Variants in IL36G observed in about 807,000 individuals in gnomAD.
The protein encoded by IL36G is interleukin-36 gamma.
IL36G carries 10 observed loss-of-function variants against 13.5 expected under a neutral mutation model. That is an observed-to-expected ratio of 0.74 (90% CI 0.46 to 1.26). The LOEUF (loss-of-function observed/expected upper bound fraction) is 1.26, where lower values mean the gene tolerates loss of function less well. IL36G is among the 50% of genes most tolerant of loss of function. The pLI is 0.00. For synonymous variants in IL36G, 84 were observed against 74.0 expected (o/e 1.13, Z -0.69); for missense variants, 199 against 203.0 (o/e 0.98, Z 0.12).
At chr2:112,978,570 G>T (rs747478548) in intron 1 of IL36G, 50 bp from the exon 2 acceptor site, 8 of 1,453,802 alleles carry the variant, frequency 5.5e-6, no homozygotes, top group Non-Finnish European at 7.7e-6. Flanking sequence ...GTCCTGGAAG[G>T]TCTTGGAAAC....
intron 4 of IL36G, among the ~76,000 whole-genome samples, chr2:112,983,213 A>G (rs925257121): frequency 6.6e-6 from 1 of 152,026 alleles, no homozygotes; most frequent in Non-Finnish European, 1.5e-5. Context: ...AGTGGGTAGG[A>G]AGTTGAAGGT....
In IL36G at chr2:112,978,681, G is replaced by A. The variant is rs764738286; in HGVS notation, c.43G>A (p.Val15Ile). 18 of 1,614,016 alleles carry A rather than the reference G, an allele frequency of 1.1e-5. No homozygotes were observed. The highest frequency in any genetic ancestry group is 2.7e-5 in the African/African-American group (2 of 74,932). Residue 15 changes from valine (V) to isoleucine (I), a missense_variant, in exon 2 of 5, where the codon GTC becomes ATC. Coordinates refer to ENST00000259205, the MANE Select transcript of IL36G (RefSeq NM_019618.4). ...AGACGCTGATGGTGGAGGAAGGGCC[G>A]TCTATCAATCAAGTGAATCAAATGC... ...PGDADGGGRAVYQSMCKPITG... is the reference protein window; with the variant it reads ...PGDADGGGRAIYQSMCKPITG...
intron 3 of IL36G, 99 bp from the exon 4 acceptor site, chr2:112,979,910 C>A: frequency 1.7e-6 from 2 of 1,196,690 alleles, no homozygotes; most frequent in Non-Finnish European, 2.4e-6. Context: ...CACTCTTCAG[C>A]TCTCTTCCAG....
chr2:112,982,170 C>T (rs116513497), intron 4 of IL36G, among the ~76,000 whole-genome samples: 1,546 of 152,260 alleles, frequency 0.01, 12 homozygotes, highest in South Asian at 0.02. Flanking sequence ...ATAGATAGAC[C>T]AGCAGTACCA....
chr2:112,981,358 T>G, intron 4 of IL36G: 1 of 759,930 alleles, frequency 1.3e-6, no homozygotes, highest in Non-Finnish European at 2.4e-6. Context: ...CAGACAACTT[T>G]GCGGGCCTTC....
At chr2:112,984,054 C>T (rs760012081) in intron 4 of IL36G, among the ~76,000 whole-genome samples, 3 of 152,094 alleles carry the variant, frequency 2.0e-5, no homozygotes, top group Non-Finnish European at 4.4e-5. Flanking sequence ...AATAATGACT[C>T]CTAGGTTTCT....
At chr2:112,978,416 GTGGAGGAAAATTCTACCTGTTCTCCCTT>G (rs1460092354) in intron 1 of IL36G, among the ~76,000 whole-genome samples, 176 bp from the exon 2 acceptor site, 7 of 152,196 alleles carry the variant, frequency 4.6e-5, no homozygotes, top group Non-Finnish European at 1.0e-4. Context: ...GGATCTCCAG[GTGGAGGAAAATTCTACCTGTTCTCCCTT>G]TGCTGATGCT....
chr2:112,980,171 T>G, intron 4 of IL36G, 23 bp downstream of exon 4: 1 of 1,601,646 alleles, frequency 6.2e-7, no homozygotes, highest in South Asian at 1.1e-5. Flanking sequence ...GAAAAATATT[T>G]AAAAAGCCTT....
At chr2:112,981,988 C>T (rs769387971) in intron 4 of IL36G, among the ~76,000 whole-genome samples, 7 of 152,140 alleles carry the variant, frequency 4.6e-5, no homozygotes, top group East Asian at 1.9e-4. Flanking sequence ...TCTAGCACTG[C>T]GTAGATGCTT....
chr2:112,980,295 C>A, intron 4 of IL36G, 147 bp downstream of exon 4: 2 of 715,084 alleles, frequency 2.8e-6, no homozygotes, highest in African/African-American at 1.8e-5. Flanking sequence ...ATGCAATACA[C>A]TTTTCTTTTT....
At chr2:112,979,175 C>G (rs772366803) in intron 2 of IL36G, 46 bp from the exon 3 acceptor site, 1 of 1,256,960 alleles carries the variant, frequency 8.0e-7, no homozygotes, top group African/African-American at 1.5e-5. Flanking sequence ...AGTAAAGCAG[C>G]CTTGATTATA....
Position 112,984,995 on chromosome 2 carries a change from T to G in IL36G, c.456T>G (p.Thr152=). ...AGAGAGACCAGCCCATCATTCTGAC[T>G]TCAGAACTTGGGAAGTCATACAACA... The part of the protein sequence containing the change: ...SSKRDQPIIL[T]SELGKSYNTA... Residue 152 remains threonine (T), a synonymous_variant, in exon 5 of 5, where the codon ACT becomes ACG. Transcript: ENST00000259205. 2 of 1,614,162 alleles carry G rather than the reference T, an allele frequency of 1.2e-6. No individual in the cohort carries two copies. The highest frequency in any genetic ancestry group is 1.7e-6 in the Non-Finnish European group (2 of 1,180,016).
At chr2:112,981,359 G>C in intron 4 of IL36G, 1 of 758,196 alleles carries the variant, frequency 1.3e-6, no homozygotes, top group Non-Finnish European at 2.4e-6. Context: ...AGACAACTTT[G>C]CGGGCCTTCT....
intron 4 of IL36G, 86 bp from the exon 5 acceptor site, chr2:112,984,754 G>A (rs1684323521): frequency 1.7e-6 from 2 of 1,165,248 alleles, no homozygotes; most frequent in South Asian, 2.8e-5. Context: ...TGGAACTTTG[G>A]AACATTTATT....
At chr2:112,983,974 G>T (rs1684309272) in intron 4 of IL36G, among the ~76,000 whole-genome samples, 1 of 152,116 alleles carries the variant, frequency 6.6e-6, no homozygotes, top group Non-Finnish European at 1.5e-5. Flanking sequence ...AAATATTTTG[G>T]TATTTTGGAA....
At chr2:112,978,500 G>A (rs1020210074) in intron 1 of IL36G, 120 bp from the exon 2 acceptor site, 4 of 757,272 alleles carry the variant, frequency 5.3e-6, no homozygotes, top group Admixed American at 2.1e-5. Flanking sequence ...TCTGCCCAGA[G>A]CTTCGTGTCA....
chr2:112,981,227 GC>G, intron 4 of IL36G: 1 of 1,368,736 alleles, frequency 7.3e-7, no homozygotes. Flanking sequence ...TCTATTTTCT[GC>G]AGAGTTATTC....
Position 112,983,409 on chromosome 2 carries a change from A to G in IL36G, c.301-1431A>G, listed in dbSNP as rs555500498. 4.6e-5 allele frequency among the ~76,000 whole-genome samples: 7 copies of G among 152,278 alleles called. No individual in the cohort carries two copies. The East Asian group carries it at 1.4e-3, about 29-fold the overall frequency. On this transcript the variant is annotated intron_variant, in intron 4 of 4. Transcript: ENST00000259205. ...TAAGTTTAGATAGCAGTTGGTACTA[A>G]TGAAGAAAATAACTCAGGAATATGA...
Position 112,979,308 on chromosome 2 carries a change from G to A in IL36G, c.143G>A (p.Ser48Asn). ...CAGAACCTTGTGGCAGTTCCACGAA[G>A]TGACAGTGTGACCCCAGGTGAGTGG... ...QGQNLVAVPR[S>N]DSVTPVTVAV... Residue 48 changes from serine (S) to asparagine (N), a missense_variant, in exon 3 of 5, where the codon AGT becomes AAT. By Grantham distance (46) the Ser-to-Asn change is conservative (BLOSUM62 1). Coordinates refer to ENST00000259205, the MANE Select transcript of IL36G (RefSeq NM_019618.4). The A allele has an allele frequency of 6.2e-7, 1 of 1,607,988 alleles. No individual in the cohort carries two copies. The highest frequency in any genetic ancestry group is 8.5e-7 in the Non-Finnish European group (1 of 1,174,334).
Sources: allele counts gnomAD v4.1 joint callset (sites outside exome capture counted in the v4.1 genomes callset), GRCh38; gene constraint gnomAD v4.1.1; transcripts MANE v1.5; gene names NCBI Gene and HGNC (gene_info 2026-07-23, HGNC 2026-07-21).